Variants in LRP1B observed in about 807,000 individuals in gnomAD.
The protein encoded by LRP1B is low-density lipoprotein receptor-related protein 1B.
LRP1B carries 217 observed loss-of-function variants against 556.6 expected under a neutral mutation model. The ratio of observed to expected loss-of-function variants is 0.39; its 90% confidence interval spans 0.35 to 0.44. The LOEUF (loss-of-function observed/expected upper bound fraction) is 0.44, where lower values mean the gene tolerates loss of function less well. Ranked by LOEUF, LRP1B falls within the 20% of genes least tolerant of loss-of-function variation. LRP1B has a pLI of 1.00. For synonymous variants in LRP1B, 2,047 were observed against 1,865.8 expected, an observed-to-expected ratio of 1.10 and a Z score of -2.50; for missense variants, 5,053 against 5,620.8, an observed-to-expected ratio of 0.90 and a Z score of 3.23.
intron 18 of LRP1B, among the ~76,000 whole-genome samples, chr2:140,963,705 C>A (rs1696107785): frequency 6.6e-6 from 1 of 151,832 alleles, no homozygotes; most frequent in African/African-American, 2.4e-5. Flanking sequence ...ACCTGTAATC[C>A]CGGCACTTTG....
At chr2:141,831,570 A>G (rs1697111965) in intron 1 of LRP1B, among the ~76,000 whole-genome samples, 1 of 151,702 alleles carries the variant, frequency 6.6e-6, no homozygotes, top group African/African-American at 2.4e-5. Flanking sequence ...TCTATACTGA[A>G]TATATAAAAC....
chr2:141,304,383 T>C (rs1240889562), intron 3 of LRP1B, among the ~76,000 whole-genome samples: 1 of 152,022 alleles, frequency 6.6e-6, no homozygotes, highest in African/African-American at 2.4e-5. Flanking sequence ...CTTCTAGTGA[T>C]TTTATAATTT....
intron 41 of LRP1B, among the ~76,000 whole-genome samples, chr2:140,684,717 T>C (rs1353221420): frequency 6.6e-6 from 1 of 152,232 alleles, no homozygotes; most frequent in Non-Finnish European, 1.5e-5. Context: ...GACATTCTTG[T>C]ATTTCTAATG....
intron 32 of LRP1B, among the ~76,000 whole-genome samples, chr2:140,789,059 T>A (rs778904559): frequency 6.6e-6 from 1 of 152,188 alleles, no homozygotes; most frequent in African/African-American, 2.4e-5. Context: ...TTGTTTAAGA[T>A]ACCCAGCTTG....
intron 2 of LRP1B, among the ~76,000 whole-genome samples, chr2:141,793,398 G>A (rs939695477): frequency 6.6e-6 from 1 of 151,882 alleles, no homozygotes; most frequent in African/African-American, 2.4e-5. Flanking sequence ...TTTGTATAGT[G>A]CCTAAAGGCT....
At chr2:140,900,704 G>A (rs1244970356) in intron 23 of LRP1B, among the ~76,000 whole-genome samples, 3 of 152,034 alleles carry the variant, frequency 2.0e-5, no homozygotes, top group African/African-American at 7.2e-5. Context: ...TAACTTCAAA[G>A]TTTGTATTAT....
intron 1 of LRP1B, among the ~76,000 whole-genome samples, chr2:142,063,050 C>A (rs1474849994): frequency 9.6e-6 from 1 of 104,688 alleles, no homozygotes; most frequent in Non-Finnish European, 2.2e-5. Context: ...GGAAGCATTA[C>A]CTGACCAAAA....
In LRP1B at chr2:141,810,421, G is replaced by T. The variant is rs200370227; in HGVS notation, c.83-20C>A. 1 of 1,610,820 alleles carries T rather than the reference G, an allele frequency of 6.2e-7. No individual in the cohort carries two copies. The highest frequency in any genetic ancestry group is 8.5e-7 in the Non-Finnish European group (1 of 1,178,050). Reference sequence around the variant, plus strand: ...GCTGATCTGAAAATGAAAATGTTTCGAAATAAAATATGAATGATCTGAACA... The same window carrying T: ...GCTGATCTGAAAATGAAAATGTTTCTAAATAAAATATGAATGATCTGAACA... On this transcript the variant is annotated intron_variant, in intron 1 of 90. Coordinates refer to ENST00000389484, the MANE Select transcript of LRP1B (RefSeq NM_018557.3).
At chr2:141,110,455 A>G (rs1700721807) in intron 7 of LRP1B, among the ~76,000 whole-genome samples, 1 of 152,150 alleles carries the variant, frequency 6.6e-6, no homozygotes, top group Non-Finnish European at 1.5e-5. Flanking sequence ...AAGTTTGCTC[A>G]TATGCGTATG....
In LRP1B at chr2:140,827,299, C is replaced by T. The variant is rs75154663; in HGVS notation, c.5209+12692G>A. On this transcript the variant is annotated intron_variant, in intron 31 of 90. Coordinates refer to ENST00000389484, the MANE Select transcript of LRP1B (RefSeq NM_018557.3). ...GAGCCAGTGACTAACCCTAGTGAGACAGCAATTTGTGAGCTCTCAGATCAA... is the reference window on the plus strand; with the variant it reads ...GAGCCAGTGACTAACCCTAGTGAGATAGCAATTTGTGAGCTCTCAGATCAA... Among the ~76,000 whole-genome samples, 70 of 152,172 alleles carry T rather than the reference C, an allele frequency of 4.6e-4. 1 individual carries two copies. In the East Asian group the frequency reaches 0.012, roughly 26 times the overall value.
intron 3 of LRP1B, among the ~76,000 whole-genome samples, chr2:141,290,618 C>T (rs1428621568): frequency 6.6e-6 from 1 of 152,060 alleles, no homozygotes; most frequent in Non-Finnish European, 1.5e-5. Flanking sequence ...TTCCTAATAC[C>T]TGACTTAATT....
At position 141,784,344 on chromosome 2, in the gene LRP1B, C is replaced by T. The variant is rs542463349; in HGVS notation, c.205+25935G>A. Reference sequence around the variant, plus strand: ...CATATATACTTTTAAGTTTTCTTTGCGTAGGATATATGAGAAAAATCACAT... The same window carrying T: ...CATATATACTTTTAAGTTTTCTTTGTGTAGGATATATGAGAAAAATCACAT... On this transcript the variant is annotated intron_variant, in intron 2 of 90. Transcript: ENST00000389484. 5.0e-4 allele frequency among the ~76,000 whole-genome samples: 76 copies of T among 151,726 alleles called. 2 individuals carry two copies. The highest frequency in any genetic ancestry group is 1.7e-3 in the African/African-American group (72 of 41,400).
rs796603302 is a variant in LRP1B, at chr2:142,115,695, AAT to A, written c.82+14951_82+14952del. Reference sequence around the variant, plus strand: ...TGTAATATATATATAATATATATGTAATATATATATAATATATATGTAATATA... The same window carrying A: ...TGTAATATATATATAATATATATGTAATATATATAATATATATGTAATATA... On this transcript the variant is annotated intron_variant, in intron 1 of 90. Coordinates refer to ENST00000389484, the MANE Select transcript of LRP1B (RefSeq NM_018557.3). Among the ~76,000 whole-genome samples, 32 of 21,052 alleles carry A rather than the reference AAT, an allele frequency of 1.5e-3. 13 individuals carry two copies. The highest frequency in any genetic ancestry group is 3.9e-3 in the African/African-American group (27 of 6,896). 13.8% of individuals were successfully genotyped at this position (21,052 alleles called of 152,430 possible). A position where few individuals can be genotyped will look rare whatever the true frequency, so the allele number is the denominator to read the frequency against.
intron 60 of LRP1B, 63 bp downstream of exon 60, chr2:140,475,075 T>C (rs1369085808): frequency 1.4e-6 from 1 of 697,608 alleles, no homozygotes; most frequent in Non-Finnish European, 2.1e-6. Flanking sequence ...AATAAATATA[T>C]ATTTTTAAAT....
chr2:140,796,369 A>C (rs1690313896), intron 32 of LRP1B, among the ~76,000 whole-genome samples: 1 of 152,110 alleles, frequency 6.6e-6, no homozygotes, highest in Non-Finnish European at 1.5e-5. Flanking sequence ...GTGCTAAGTA[A>C]TTAGCATTAA....
At chr2:141,222,567 C>A (rs1683089115) in intron 6 of LRP1B, among the ~76,000 whole-genome samples, 2 of 151,980 alleles carry the variant, frequency 1.3e-5, no homozygotes, top group Non-Finnish European at 2.9e-5. Context: ...CCTGACAGAG[C>A]TATTACAAAA....
chr2:140,791,997 C>T, intron 32 of LRP1B, among the ~76,000 whole-genome samples: 1 of 152,124 alleles, frequency 6.6e-6, no homozygotes, highest in East Asian at 1.9e-4. Flanking sequence ...CTCTCCCATA[C>T]CAGGAAAAGG....
intron 66 of LRP1B, among the ~76,000 whole-genome samples, chr2:140,425,109 G>C (rs1410555489): frequency 1.3e-5 from 2 of 151,140 alleles, no homozygotes; most frequent in East Asian, 4.0e-4. Context: ...TTATGAGATT[G>C]AAAAGCAGAC....
chr2:141,230,743 C>T (rs1683429050), intron 5 of LRP1B, among the ~76,000 whole-genome samples: 1 of 152,174 alleles, frequency 6.6e-6, no homozygotes, highest in African/African-American at 2.4e-5. Context: ...AATCATTTAT[C>T]AATTACCAGA....
Sources: gnomAD v4.1 joint callset for allele counts (sites outside exome capture counted in the v4.1 genomes callset) on GRCh38, gnomAD v4.1.1 for gene constraint, MANE v1.5 for transcripts, NCBI Gene and HGNC (gene_info 2026-07-23, HGNC 2026-07-21) for gene names.